Variants in TCF4 observed in about 807,000 individuals in gnomAD.
TCF4 encodes transcription factor 4.
A neutral mutation model predicts 82.1 loss-of-function variants in TCF4; 3 were observed. The ratio of observed to expected loss-of-function variants is 0.04; its 90% confidence interval spans 0.02 to 0.09. The LOEUF (loss-of-function observed/expected upper bound fraction) is 0.09, where lower values mean the gene tolerates loss of function less well. Among genes scored for constraint, TCF4 ranks in the 10% least tolerant of loss-of-function variants. TCF4 has a pLI of 1.00. For missense variants in TCF4, 518 were observed against 852.7 expected (o/e 0.61, Z 4.89); for synonymous variants, 276 against 309.6 (o/e 0.89, Z 1.14).
At chr18:55,550,691 A>G (rs1188841970) in intron 3 of TCF4, 3 of 152,218 alleles carry the variant, frequency 2.0e-5, no homozygotes, top group Admixed American at 2.0e-4. Context: ...CACTGGGCGC[A>G]TGACCAGCTG....
At chr18:55,323,225 C>T (rs966265491) in intron 8 of TCF4, among the ~76,000 whole-genome samples, 1 of 152,128 alleles carries the variant, frequency 6.6e-6, no homozygotes, top group Non-Finnish European at 1.5e-5. Flanking sequence ...AAAGGAGGGC[C>T]TCTGGGAATT....
At chr18:55,395,266 A>T (rs2093421819) in intron 6 of TCF4, among the ~76,000 whole-genome samples, 1 of 152,174 alleles carries the variant, frequency 6.6e-6, no homozygotes, top group Non-Finnish European at 1.5e-5. Context: ...CTCAGCATTA[A>T]ATCAATTATT....
intron 2 of TCF4, chr18:55,586,361 T>C: frequency 1.7e-6 from 1 of 594,692 alleles, no homozygotes; most frequent in Non-Finnish European, 3.0e-6. Context: ...TCCTGACATG[T>C]CTGGGACTTG....
intron 2 of TCF4, among the ~76,000 whole-genome samples, chr18:55,628,062 A>C (rs1275915209): frequency 6.7e-6 from 1 of 148,182 alleles, no homozygotes; most frequent in Admixed American, 6.7e-5. Context: ...TGTCTAAAAA[A>C]CAAACAAACA....
intron 10 of TCF4, among the ~76,000 whole-genome samples, chr18:55,275,287 A>AAAAC (rs2061272175): frequency 6.6e-6 from 1 of 150,856 alleles, no homozygotes; most frequent in South Asian, 2.1e-4. Context: ...AAAAAAAAAA[A>AAAAC]AAAAAAAAAA....
intron 3 of TCF4, among the ~76,000 whole-genome samples, chr18:55,578,552 T>C (rs1438550787): frequency 1.3e-5 from 2 of 152,116 alleles, no homozygotes; most frequent in African/African-American, 2.4e-5. Context: ...AGGATTTGAA[T>C]GCAAACTTTT....
chr18:55,433,588 C>A (rs2095257906), intron 5 of TCF4, among the ~76,000 whole-genome samples: 1 of 152,188 alleles, frequency 6.6e-6, no homozygotes, highest in Non-Finnish European at 1.5e-5. Context: ...AAAATACATG[C>A]CTCTGGTGAT....
At chr18:55,443,794 C>CA in intron 5 of TCF4, among the ~76,000 whole-genome samples, 1 of 152,276 alleles carries the variant, frequency 6.6e-6, no homozygotes. Context: ...TCCACAATCA[C>CA]AAAAATAGCG....
At chr18:55,519,071 A>C (rs1217470405) in intron 3 of TCF4, 1 of 152,330 alleles carries the variant, frequency 6.6e-6, no homozygotes, top group East Asian at 1.9e-4. Context: ...ACATTATGAA[A>C]GTAAATTACA....
chr18:55,330,333 C>T (rs913634869), intron 8 of TCF4, among the ~76,000 whole-genome samples: 2 of 151,706 alleles, frequency 1.3e-5, no homozygotes, highest in African/African-American at 2.4e-5. Context: ...GTGTGTGCCA[C>T]CATGCCCAGA....
chr18:55,415,538 C>T (rs2094496478), intron 5 of TCF4, among the ~76,000 whole-genome samples: 1 of 152,162 alleles, frequency 6.6e-6, no homozygotes, highest in Admixed American at 6.5e-5. Flanking sequence ...TAAGTCTCAC[C>T]AAATCTGTAT....
intron 2 of TCF4, among the ~76,000 whole-genome samples, chr18:55,586,475 T>A (rs1260875430): frequency 1.3e-5 from 2 of 152,180 alleles, no homozygotes; most frequent in Non-Finnish European, 2.9e-5. Flanking sequence ...ACTACGAAAT[T>A]TACCAAAACA....
chr18:55,394,844 T>G (rs2093395952), intron 6 of TCF4, among the ~76,000 whole-genome samples: 1 of 152,182 alleles, frequency 6.6e-6, no homozygotes, highest in South Asian at 2.1e-4. Context: ...CACGTCAATA[T>G]CCACAGAGCG....
intron 2 of TCF4, among the ~76,000 whole-genome samples, chr18:55,611,710 A>G (rs1201293504): frequency 1.3e-5 from 2 of 152,224 alleles, no homozygotes; most frequent in Non-Finnish European, 2.9e-5. Context: ...TATTTTATTG[A>G]ACATAGTATA....
intron 5 of TCF4, among the ~76,000 whole-genome samples, chr18:55,437,797 C>T (rs564784413): frequency 1.3e-5 from 2 of 152,280 alleles, no homozygotes; most frequent in Admixed American, 1.3e-4. Context: ...AATCTTATTT[C>T]TCATGGGGTT....
At chr18:55,244,434 C>A (rs556286292) in intron 15 of TCF4, among the ~76,000 whole-genome samples, 1 of 152,260 alleles carries the variant, frequency 6.6e-6, no homozygotes, top group South Asian at 2.1e-4. Context: ...AGAAAAATGA[C>A]CATTTTAGTT....
chr18:55,319,113 T>G (rs2074872049), intron 8 of TCF4, among the ~76,000 whole-genome samples: 1 of 152,180 alleles, frequency 6.6e-6, no homozygotes, highest in Admixed American at 6.5e-5. Flanking sequence ...ACACTTAACT[T>G]CAACAATTCA....
intron 9 of TCF4, among the ~76,000 whole-genome samples, chr18:55,276,715 T>C (rs545108992): frequency 6.6e-6 from 1 of 152,332 alleles, no homozygotes; most frequent in East Asian, 1.9e-4. Flanking sequence ...AGGTATACAC[T>C]AGGCCATCAG....
intron 8 of TCF4, among the ~76,000 whole-genome samples, chr18:55,341,070 G>A (rs1024931284): frequency 6.6e-6 from 1 of 152,206 alleles, no homozygotes; most frequent in Admixed American, 6.5e-5. Context: ...ACAGTGAAAT[G>A]AAATTTCTGA....
Sources: allele counts gnomAD v4.1 joint callset (sites outside exome capture counted in the v4.1 genomes callset), GRCh38; gene constraint gnomAD v4.1.1; transcripts MANE v1.5; gene names NCBI Gene and HGNC (gene_info 2026-07-23, HGNC 2026-07-21).